Variants in NUP155 observed in about 807,000 individuals in gnomAD.
NUP155 encodes nucleoporin 155.
A neutral mutation model predicts 180.4 loss-of-function variants in NUP155; 71 were observed. The observed-to-expected ratio is 0.39, with a 90% CI of 0.33 to 0.48. NUP155 has a LOEUF of 0.48. Ranked by LOEUF, NUP155 falls within the 20% of genes least tolerant of loss-of-function variation. NUP155 has a pLI of 0.91. For missense variants in NUP155, 1,553 were observed against 1,648.9 expected (o/e 0.94, Z 1.01); for synonymous variants, 582 against 559.5 (o/e 1.04, Z -0.57).
rs140522839 is a variant in NUP155 at position 37,327,724 on chromosome 5, T to G, written c.1929A>C (p.Ala643=). The change falls in exon 18 of 35, where the codon GCA becomes GCC. Residue 643 remains alanine (A), a synonymous_variant. Transcript: ENST00000231498. ...STPVCALGNP[A]TQATNMSCVT... ...CACAACTCATATTTGTGGCCTGAGT[T>G]GCTGGGTTTCCCAGAGCACACACTG... 1.4e-4 allele frequency: 230 copies of G among 1,614,152 alleles called. No individual in the cohort carries two copies. The African/African-American group carries it at 2.9e-3, about 20-fold the overall frequency.
chr5:37,296,539 ACAAACGCTGCG>A (rs1383138698), intron 32 of NUP155, among the ~76,000 whole-genome samples: 1 of 148,866 alleles, frequency 6.7e-6, no homozygotes, highest in Non-Finnish European at 1.5e-5. Context: ...ACCCAGGGAC[ACAAACGCTGCG>A]GAAGGCAGCC....
rs775948706 is a variant in NUP155 at position 37,290,847 on chromosome 5, T to A, written c.*1053A>T. ...ACGTTTTTGATTCAGTAGGTCTGGG[T>A]TGGGGCTCGAGAATTTGCATTTCTA... On this transcript the variant is annotated 3_prime_UTR_variant, in exon 35 of 35. Coordinates refer to ENST00000231498, the MANE Select transcript of NUP155 (RefSeq NM_153485.3). 6.6e-6 allele frequency: 1 copy of A among 152,092 alleles called. No individual in the cohort carries two copies. Among genetic ancestry groups the A allele is most frequent in the Non-Finnish European group, 1.5e-5 (1 of 68,014 alleles). 9.4% of individuals were successfully genotyped at this position (152,092 alleles called of 1,614,324 possible).
At chr5:37,292,217 A>G (rs1207863871) in intron 34 of NUP155, among the ~76,000 whole-genome samples, 179 bp from the exon 35 acceptor site, 1 of 143,830 alleles carries the variant, frequency 7.0e-6, no homozygotes, top group East Asian at 2.0e-4. Flanking sequence ...CCATTTGAAG[A>G]TTTTTTTTTT....
chr5:37,364,031 C>A, intron 2 of NUP155, 47 bp from the exon 3 acceptor site: 1 of 1,412,202 alleles, frequency 7.1e-7, no homozygotes, highest in Non-Finnish European at 1.0e-6. Context: ...TCTTATTCTT[C>A]TTTAACTTGT....
chr5:37,347,089 G>A (rs969412228), intron 9 of NUP155, among the ~76,000 whole-genome samples: 3 of 152,112 alleles, frequency 2.0e-5, no homozygotes, highest in Non-Finnish European at 2.9e-5. Flanking sequence ...TTCGCCAGGT[G>A]TGGTGGCATG....
intron 13 of NUP155, among the ~76,000 whole-genome samples, chr5:37,333,042 CA>C (rs1325071589): frequency 3.9e-5 from 6 of 152,042 alleles, no homozygotes; most frequent in African/African-American, 1.4e-4. Flanking sequence ...GGAAAAATCT[CA>C]ATAAACAAAG....
At chr5:37,363,833 T>C in intron 3 of NUP155, 55 bp downstream of exon 3, 2 of 1,158,466 alleles carry the variant, frequency 1.7e-6, no homozygotes, top group Non-Finnish European at 2.6e-6. Context: ...CTAGCTACAG[T>C]AAAGTTTATA....
At chr5:37,312,689 C>G (rs952466294) in intron 22 of NUP155, among the ~76,000 whole-genome samples, 1 of 152,050 alleles carries the variant, frequency 6.6e-6, no homozygotes, top group African/African-American at 2.4e-5. Context: ...ATTAGCTAGG[C>G]GTAGTGGTGC....
intron 6 of NUP155, among the ~76,000 whole-genome samples, 199 bp downstream of exon 6, chr5:37,350,991 T>A (rs886358910): frequency 6.6e-6 from 1 of 152,132 alleles, no homozygotes; most frequent in Non-Finnish European, 1.5e-5. Context: ...AGGACATACA[T>A]AGAATAATGA....
chr5:37,291,769 T>C lies in NUP155; in HGVS notation c.*131A>G. 1 of 789,494 alleles carries C rather than the reference T, an allele frequency of 1.3e-6. No homozygotes were observed. The highest frequency in any genetic ancestry group is 2.1e-6 in the Non-Finnish European group (1 of 481,390). 48.9% of individuals were successfully genotyped at this position (789,494 alleles called of 1,614,324 possible). A position where few individuals can be genotyped will look rare whatever the true frequency, so the allele number is the denominator to read the frequency against. ...TTAGCAAAGGTACTATTTGTAGATA[T>C]TAGCCACTTATTAAAAACATATTTC... is the stretch of plus-strand genomic sequence containing the variant. On this transcript the variant is annotated 3_prime_UTR_variant, in exon 35 of 35. Transcript: ENST00000231498.
At chr5:37,292,170 A>C in intron 34 of NUP155, 132 bp from the exon 35 acceptor site, 2 of 863,840 alleles carry the variant, frequency 2.3e-6, no homozygotes, top group Non-Finnish European at 3.6e-6. Flanking sequence ...GTAAATAAGA[A>C]ATAAAGTAAA....
intron 20 of NUP155, among the ~76,000 whole-genome samples, chr5:37,321,493 C>T (rs1395035110): frequency 9.2e-5 from 14 of 151,994 alleles, no homozygotes; most frequent in Non-Finnish European, 1.5e-4. Context: ...CTGAGGCGGG[C>T]GGAGCACGAA....
At chr5:37,330,835 C>T (rs756749064) in intron 14 of NUP155, among the ~76,000 whole-genome samples, 3 of 152,274 alleles carry the variant, frequency 2.0e-5, no homozygotes, top group Middle Eastern at 3.4e-3. Context: ...GAAACTCTTA[C>T]TAGCAGACTT....
At chr5:37,297,610 G>A (rs1742655363) in intron 32 of NUP155, among the ~76,000 whole-genome samples, 1 of 151,872 alleles carries the variant, frequency 6.6e-6, no homozygotes, top group Admixed American at 6.6e-5. Context: ...GAACTCCTGG[G>A]CTCAAGCGAT....
At chr5:37,309,061 C>A in intron 24 of NUP155, 68 bp downstream of exon 24, 1 of 1,533,612 alleles carries the variant, frequency 6.5e-7, no homozygotes, top group East Asian at 2.3e-5. Context: ...CATTAGCTTG[C>A]TTCATTCATA....
chr5:37,344,974 G>A (rs1745982458), intron 9 of NUP155, among the ~76,000 whole-genome samples: 1 of 151,806 alleles, frequency 6.6e-6, no homozygotes, highest in African/African-American at 2.4e-5. Context: ...TTTGAGCCCA[G>A]GAGTTCAAGA....
chr5:37,356,036 C>T (rs1011378336), intron 4 of NUP155, among the ~76,000 whole-genome samples: 3 of 151,406 alleles, frequency 2.0e-5, no homozygotes, highest in Non-Finnish European at 2.9e-5. Context: ...TCAAGACCAG[C>T]CCGACCAACA....
chr5:37,368,149 T>G lies in NUP155; in HGVS notation c.157+2672A>C, dbSNP rs575797495. Among the ~76,000 whole-genome samples the G allele has an allele frequency of 8.7e-5, 13 of 149,028 alleles. No homozygotes were observed. In the South Asian group the frequency reaches 2.7e-3, roughly 31 times the overall value. ...TGGTCTCAAACTCAAGCTCAAGTGA[T>G]CCACCCCACTTCCAGGTCCCAAATT... On this transcript the variant is annotated intron_variant, in intron 1 of 34. Coordinates refer to ENST00000231498, the MANE Select transcript of NUP155 (RefSeq NM_153485.3).
Position 37,304,729 on chromosome 5 carries a change from A to G in NUP155, c.3162+10T>C. Reference sequence around the variant, plus strand: ...AATAATTAACACAACTGCAATAAAAAAAGATTTACCTGTAGCAGCTTATCT... The same window carrying G: ...AATAATTAACACAACTGCAATAAAAGAAGATTTACCTGTAGCAGCTTATCT... On this transcript the variant is annotated intron_variant, in intron 27 of 34. Coordinates refer to ENST00000231498, the MANE Select transcript of NUP155 (RefSeq NM_153485.3). The G allele has an allele frequency of 1.3e-6, 2 of 1,561,212 alleles. No homozygotes were observed. The highest frequency in any genetic ancestry group is 1.8e-6 in the Non-Finnish European group (2 of 1,132,436).
Sources: gnomAD v4.1 joint callset for allele counts (sites outside exome capture counted in the v4.1 genomes callset) on GRCh38, gnomAD v4.1.1 for gene constraint, MANE v1.5 for transcripts, NCBI Gene and HGNC (gene_info 2026-07-23, HGNC 2026-07-21) for gene names.